Variants in ATRNL1 observed in about 807,000 individuals in gnomAD.
ATRNL1 encodes the protein attractin like 1.
ATRNL1 carries 95 observed loss-of-function variants against 182.7 expected under a neutral mutation model. The observed-to-expected ratio is 0.52, with a 90% CI of 0.44 to 0.62. The LOEUF is 0.62. ATRNL1 is among the 20% of genes least tolerant of loss of function. The pLI is 0.00. For synonymous variants in ATRNL1, 576 were observed against 568.3 expected (o/e 1.01, Z -0.19); for missense variants, 1,471 against 1,679.5 (o/e 0.88, Z 2.17).
intron 26 of ATRNL1, among the ~76,000 whole-genome samples, chr10:115,719,392 A>G (rs1482731347): frequency 6.6e-6 from 1 of 152,298 alleles, no homozygotes; most frequent in Admixed American, 6.5e-5. Context: ...AAAGTTTTGC[A>G]TGGAATATTC....
intron 26 of ATRNL1, among the ~76,000 whole-genome samples, chr10:115,581,198 G>A (rs1426608006): frequency 6.6e-6 from 1 of 152,124 alleles, no homozygotes; most frequent in Non-Finnish European, 1.5e-5. Flanking sequence ...AATCAATTCA[G>A]CAAGAGATTC....
intron 15 of ATRNL1, among the ~76,000 whole-genome samples, chr10:115,289,822 C>T (rs1387984838): frequency 6.6e-6 from 1 of 152,142 alleles, no homozygotes; most frequent in Non-Finnish European, 1.5e-5. Context: ...AGTTTGATAG[C>T]TCTAGCTTTG....
intron 26 of ATRNL1, among the ~76,000 whole-genome samples, chr10:115,627,531 AT>A (rs1858183105): frequency 6.6e-6 from 1 of 151,858 alleles, no homozygotes; most frequent in Non-Finnish European, 1.5e-5. Context: ...CGCCTGGCTA[AT>A]TTTTTGTATT....
chr10:115,848,740 T>G (rs1315659587), intron 28 of ATRNL1, among the ~76,000 whole-genome samples: 1 of 152,142 alleles, frequency 6.6e-6, no homozygotes, highest in Non-Finnish European at 1.5e-5. Context: ...TTTTTGCATA[T>G]ACTATTCCAT....
At chr10:115,160,603 AACTTT>A (rs1846739612) in intron 6 of ATRNL1, among the ~76,000 whole-genome samples, 1 of 151,862 alleles carries the variant, frequency 6.6e-6, no homozygotes, top group African/African-American at 2.4e-5. Flanking sequence ...AGTGTACCTG[AACTTT>A]ACTTTGTATG....
intron 23 of ATRNL1, among the ~76,000 whole-genome samples, chr10:115,468,634 C>A (rs996749519): frequency 6.6e-6 from 1 of 150,916 alleles, no homozygotes; most frequent in African/African-American, 2.4e-5. Flanking sequence ...GTGGCCTCCA[C>A]CCAATTTATT....
At chr10:115,787,097 T>G (rs2134202984) in intron 27 of ATRNL1, among the ~76,000 whole-genome samples, 1 of 152,336 alleles carries the variant, frequency 6.6e-6, no homozygotes, top group East Asian at 1.9e-4. Context: ...TAATACATGG[T>G]CTGCCATGGT....
chr10:115,281,309 A>G lies in ATRNL1; in HGVS notation c.2101-46A>G, dbSNP rs183182142. 481 of 1,537,224 alleles carry G rather than the reference A, an allele frequency of 3.1e-4. 2 individuals are homozygous for G. In the Middle Eastern group the frequency reaches 4.2e-3, roughly 13 times the overall value. The stretch of plus-strand genomic sequence containing the variant: ...AAATATACACTGAAGTTTAAGAATC[A>G]TTGCTGTACAAAGGTGAAAAATAAC... On this transcript the variant is annotated intron_variant, in intron 13 of 28. Coordinates refer to ENST00000355044, the MANE Select transcript of ATRNL1 (RefSeq NM_207303.4).
chr10:115,603,743 A>G (rs1856736207), intron 26 of ATRNL1, among the ~76,000 whole-genome samples: 1 of 152,084 alleles, frequency 6.6e-6, no homozygotes, highest in Non-Finnish European at 1.5e-5. Context: ...TACCCTATCC[A>G]TTGCTCTCCA....
chr10:115,343,891 C>A (rs955428831), intron 19 of ATRNL1, among the ~76,000 whole-genome samples: 6 of 152,192 alleles, frequency 3.9e-5, no homozygotes, highest in Non-Finnish European at 1.5e-5. Context: ...CATAGAGGGA[C>A]TGCCTTGATG....
intron 2 of ATRNL1, among the ~76,000 whole-genome samples, chr10:115,120,843 T>G (rs1184479490): frequency 1.3e-5 from 2 of 152,180 alleles, no homozygotes; most frequent in Non-Finnish European, 2.9e-5. Context: ...AGCTGTTCAT[T>G]CTCTGCTGTG....
intron 8 of ATRNL1, among the ~76,000 whole-genome samples, chr10:115,210,093 G>A (rs782382932): frequency 6.6e-6 from 1 of 151,884 alleles, no homozygotes; most frequent in Non-Finnish European, 1.5e-5. Flanking sequence ...ATTTCATAAT[G>A]AATTATGCCG....
intron 21 of ATRNL1, among the ~76,000 whole-genome samples, chr10:115,438,241 A>G (rs1846499053): frequency 6.6e-6 from 1 of 151,996 alleles, no homozygotes. Flanking sequence ...TGTCATCCTA[A>G]CATGCCTGCC....
intron 10 of ATRNL1, among the ~76,000 whole-genome samples, chr10:115,260,645 A>G (rs1444814672): frequency 1.3e-5 from 2 of 152,228 alleles, no homozygotes; most frequent in Admixed American, 1.3e-4. Flanking sequence ...GATAATCCAC[A>G]GAGGAGATTA....
chr10:115,332,561 G>A (rs1481326208), intron 18 of ATRNL1, among the ~76,000 whole-genome samples: 4 of 152,042 alleles, frequency 2.6e-5, no homozygotes, highest in Non-Finnish European at 5.9e-5. Context: ...AATGTAATAT[G>A]GAGTTTAAAA....
At chr10:115,479,489 A>C (rs1848668270) in intron 24 of ATRNL1, among the ~76,000 whole-genome samples, 1 of 151,490 alleles carries the variant, frequency 6.6e-6, no homozygotes, top group Non-Finnish European at 1.5e-5. Context: ...TAAATCAAAC[A>C]AAAGTTTTCT....
chr10:115,483,301 T>A (rs1848859270), intron 24 of ATRNL1, among the ~76,000 whole-genome samples: 1 of 151,368 alleles, frequency 6.6e-6, no homozygotes, highest in Non-Finnish European at 1.5e-5. Context: ...GTTCTCAAAC[T>A]TTCACGCTGG....
chr10:115,477,731 G>A (rs749975970), intron 24 of ATRNL1, among the ~76,000 whole-genome samples: 2 of 151,544 alleles, frequency 1.3e-5, no homozygotes, highest in Admixed American at 6.6e-5. Flanking sequence ...CTTGATAGAA[G>A]CATATTAATA....
intron 26 of ATRNL1, among the ~76,000 whole-genome samples, chr10:115,684,841 A>G (rs1946166340): frequency 6.6e-6 from 1 of 151,758 alleles, no homozygotes; most frequent in Non-Finnish European, 1.5e-5. Flanking sequence ...GTATGTCTAA[A>G]TGGCTAGCAT....
Sources: allele counts gnomAD v4.1 joint callset (sites outside exome capture counted in the v4.1 genomes callset), GRCh38; gene constraint gnomAD v4.1.1; transcripts MANE v1.5; gene names NCBI Gene and HGNC (gene_info 2026-07-23, HGNC 2026-07-21).